OR2AT4: variants seen among roughly 807,000 people sequenced by gnomAD.
The protein encoded by OR2AT4 is olfactory receptor 2AT4.
OR2AT4 carries 6 observed loss-of-function variants against 10.3 expected under a neutral mutation model. The ratio of observed to expected loss-of-function variants is 0.58; its 90% CI spans 0.32 to 1.15. The LOEUF is 1.15. OR2AT4 is among the 50% of genes most tolerant of loss of function. The pLI, the probability that OR2AT4 is intolerant of heterozygous loss-of-function variation, is 0.05. For synonymous variants in OR2AT4, 145 were observed against 159.1 expected (o/e 0.91, Z 0.67); for missense variants, 354 against 393.8 (o/e 0.90, Z 0.85).
At chr11:75,083,712 C>G (rs866647470) in exon 2 of OR2AT4, 1 of 152,250 alleles carries the variant, frequency 6.6e-6, no homozygotes, top group Non-Finnish European at 1.5e-5. Flanking sequence ...TGTCTCACGC[C>G]TGTAATCCCA....
chr11:75,096,641 C>T (rs944304315), intron 1 of OR2AT4, among the ~76,000 whole-genome samples, 187 bp downstream of exon 1: 3 of 152,102 alleles, frequency 2.0e-5, no homozygotes, highest in African/African-American at 7.2e-5. Context: ...CACAGCCCTG[C>T]CCCTGCCTGC....
exon 2 of OR2AT4, chr11:75,089,843 G>T: frequency 9.9e-7 from 1 of 1,008,912 alleles, no homozygotes; most frequent in Non-Finnish European, 1.4e-6. Context: ...GGTAATATAA[G>T]CAGAATTATT....
chr11:75,092,492 A>T (rs529103485), intron 1 of OR2AT4, among the ~76,000 whole-genome samples: 15 of 152,364 alleles, frequency 9.8e-5, no homozygotes, highest in African/African-American at 3.6e-4. Context: ...ATGTAGAGAT[A>T]TAGATCAGCT....
At chr11:75,095,870 GT>G (rs1949347078) in intron 1 of OR2AT4, among the ~76,000 whole-genome samples, 1 of 152,054 alleles carries the variant, frequency 6.6e-6, no homozygotes, top group Non-Finnish European at 1.5e-5. Flanking sequence ...TAGAGATGGT[GT>G]TTCACCATGT....
exon 2 of OR2AT4, chr11:75,088,979 G>A (rs1949304321): frequency 6.2e-7 from 1 of 1,614,100 alleles, no homozygotes; most frequent in South Asian, 1.1e-5. Context: ...GGGAGCTGCA[G>A]GTGGAGAAGG....
exon 2 of OR2AT4, chr11:75,089,439 A>T: frequency 1.2e-6 from 2 of 1,614,196 alleles, no homozygotes; most frequent in Non-Finnish European, 1.7e-6. Flanking sequence ...GCGGTCCCCA[A>T]GCAAGAATAA....
exon 2 of OR2AT4, chr11:75,084,676 A>G (rs1222433589): frequency 2.0e-5 from 3 of 152,222 alleles, no homozygotes; most frequent in Non-Finnish European, 4.4e-5. Flanking sequence ...TAGTAATCAT[A>G]CAAAGCATAT....
At chr11:75,095,880 G>A (rs1949347105) in intron 1 of OR2AT4, among the ~76,000 whole-genome samples, 1 of 152,082 alleles carries the variant, frequency 6.6e-6, no homozygotes, top group East Asian at 1.9e-4. Flanking sequence ...GTTTCACCAT[G>A]TTGGCCAGGC....
exon 2 of OR2AT4, chr11:75,089,581 T>A (rs1949312173): frequency 1.2e-6 from 2 of 1,613,870 alleles, no homozygotes; most frequent in East Asian, 2.2e-5. Context: ...GCATTACCCA[T>A]CAGGATGAGA....
chr11:75,090,996 T>C (rs940387606), intron 1 of OR2AT4, among the ~76,000 whole-genome samples: 62 of 152,094 alleles, frequency 4.1e-4, no homozygotes, highest in Admixed American at 4.1e-3. Context: ...TCTCCCACAC[T>C]CCTTCCGGGG....
chr11:75,089,390 G>A, exon 2 of OR2AT4: 3 of 1,614,194 alleles, frequency 1.9e-6, no homozygotes, highest in Non-Finnish European at 2.5e-6. Context: ...AACTTTGGAA[G>A]AGGTACATCT....
chr11:75,089,380 A>G, exon 2 of OR2AT4: 1 of 1,614,188 alleles, frequency 6.2e-7, no homozygotes, highest in South Asian at 1.1e-5. Flanking sequence ...GAACATGTAA[A>G]ACTTTGGAAG....
chr11:75,088,306 T>C (rs1173659178), exon 2 of OR2AT4: 1 of 152,696 alleles, frequency 6.5e-6, no homozygotes, highest in Non-Finnish European at 1.5e-5. Flanking sequence ...TGTCAAAATA[T>C]TGGATTTTTG....
At chr11:75,096,677 A>G (rs564750642) in intron 1 of OR2AT4, among the ~76,000 whole-genome samples, 151 bp downstream of exon 1, 173 of 152,214 alleles carry the variant, frequency 1.1e-3, no homozygotes, top group African/African-American at 4.0e-3. Flanking sequence ...ACACTCACCC[A>G]GGCTGACTGC....
At chr11:75,085,292 A>G (rs1224662116) in exon 2 of OR2AT4, 1 of 152,102 alleles carries the variant, frequency 6.6e-6, no homozygotes, top group Non-Finnish European at 1.5e-5. Context: ...TAAAAGGCAG[A>G]AATTATAAAG....
chr11:75,093,804 C>CTTTTTTTTTTTT (rs1166766222), intron 1 of OR2AT4, among the ~76,000 whole-genome samples: 7 of 88,364 alleles, frequency 7.9e-5, no homozygotes, highest in East Asian at 3.5e-4. Context: ...TTTTCTTTTT[C>CTTTTTTTTTTTT]TTTTTCTTTT....
chr11:75,087,565 G>T (rs145655930), exon 2 of OR2AT4: 2,742 of 152,320 alleles, frequency 0.018, 74 homozygotes, highest in African/African-American at 0.062. Context: ...TCCAGCCTGG[G>T]TGACAGAGCA....
At chr11:75,090,399 A>G (rs1475077169) in intron 1 of OR2AT4, 35 bp from the exon 2 acceptor site, 3 of 152,250 alleles carry the variant, frequency 2.0e-5, no homozygotes, top group Non-Finnish European at 2.9e-5. Flanking sequence ...ATAGCCCAAC[A>G]CTTTCACTGC....
chr11:75,085,625 T>C (rs1446110750), exon 2 of OR2AT4: 1 of 151,960 alleles, frequency 6.6e-6, no homozygotes, highest in Admixed American at 6.6e-5. Context: ...ACAAGTCAAA[T>C]CTAGTAATAT....
Sources: allele counts gnomAD v4.1 joint callset (sites outside exome capture counted in the v4.1 genomes callset), GRCh38; gene constraint gnomAD v4.1.1; transcripts MANE v1.5; gene names NCBI Gene and HGNC (gene_info 2026-07-23, HGNC 2026-07-21).